FOXK2: variants seen among roughly 807,000 people sequenced by gnomAD.
The protein encoded by FOXK2 is forkhead box protein K2.
FOXK2 carries 24 observed loss-of-function variants against 53.3 expected under a neutral mutation model. The observed-to-expected ratio is 0.45, with a 90% CI of 0.33 to 0.63. The LOEUF (loss-of-function observed/expected upper bound fraction) is 0.63, where lower values mean the gene tolerates loss of function less well. Ranked by LOEUF, FOXK2 falls within the 30% of genes least tolerant of loss-of-function variation. FOXK2 has a pLI of 0.03. For synonymous variants in FOXK2, 505 were observed against 407.1 expected (o/e 1.24, Z -2.89); for missense variants, 952 against 910.5 (o/e 1.05, Z -0.59).
chr17:82,528,543 T>C (rs995655662), intron 1 of FOXK2, among the ~76,000 whole-genome samples: 4 of 152,204 alleles, frequency 2.6e-5, no homozygotes, highest in Admixed American at 1.3e-4. Flanking sequence ...AATTTGCTGC[T>C]AAAATGCAGT....
Position 82,520,735 on chromosome 17 carries a change from G to A in FOXK2, c.419+428G>A, listed in dbSNP as rs536922028. On this transcript the variant is annotated intron_variant, in intron 1 of 8. Transcript: ENST00000335255. ...TCTCTTAACCGATGAAGGGTTGTCT[G>A]TTGTCTTTTGTTGTTGTTGTTGTTC... 2.0e-5 allele frequency among the ~76,000 whole-genome samples: 3 copies of A among 152,296 alleles called. No homozygotes were observed. The South Asian group carries it at 6.2e-4, about 32-fold the overall frequency.
Position 82,604,040 on chromosome 17 carries a change from G to C in FOXK2, c.*2541G>C, listed in dbSNP as rs1336581679. On this transcript the variant is annotated 3_prime_UTR_variant, in exon 9 of 9. Coordinates refer to ENST00000335255, the MANE Select transcript of FOXK2 (RefSeq NM_004514.4). Reference sequence around the variant, plus strand: ...GCTGTCGCCGCAGCCCTGGCCCCTGGTGCTGGAGCTGCAGCACCTTTGGGA... The same window carrying C: ...GCTGTCGCCGCAGCCCTGGCCCCTGCTGCTGGAGCTGCAGCACCTTTGGGA... 6.6e-6 allele frequency: 1 copy of C among 152,210 alleles called. No homozygotes were observed. Among genetic ancestry groups the C allele is most frequent in the East Asian group, 1.9e-4 (1 of 5,194 alleles). 9.4% of individuals were successfully genotyped at this position (152,210 alleles called of 1,614,324 possible). A position where few individuals can be genotyped will look rare whatever the true frequency, so the allele number is the denominator to read the frequency against.
intron 1 of FOXK2, among the ~76,000 whole-genome samples, chr17:82,538,376 T>C (rs962611976): frequency 2.3e-4 from 35 of 152,138 alleles, no homozygotes; most frequent in African/African-American, 8.0e-4. Flanking sequence ...TCCTGGACAC[T>C]TGGGAGGCTA....
At chr17:82,568,675 T>TA (rs1339850327) in intron 3 of FOXK2, among the ~76,000 whole-genome samples, 2 of 152,234 alleles carry the variant, frequency 1.3e-5, no homozygotes, top group Admixed American at 6.5e-5. Context: ...ATTTTCCTTT[T>TA]AGGACTTTGA....
At chr17:82,531,608 C>G (rs1567964789) in intron 1 of FOXK2, among the ~76,000 whole-genome samples, 1 of 152,146 alleles carries the variant, frequency 6.6e-6, no homozygotes, top group Non-Finnish European at 1.5e-5. Flanking sequence ...ACTTAAGCAA[C>G]ATGTGACTGT....
intron 1 of FOXK2, 36 bp from the exon 2 acceptor site, chr17:82,563,318 A>T: frequency 6.3e-7 from 1 of 1,591,844 alleles, no homozygotes. Flanking sequence ...CGGCTGGAAC[A>T]GCAAAAGGTG....
At chr17:82,551,249 G>A (rs76034625) in intron 1 of FOXK2, among the ~76,000 whole-genome samples, 23,264 of 151,802 alleles carry the variant, frequency 0.15, 2,175 homozygotes, top group East Asian at 0.32. Flanking sequence ...CCTGGGAGGC[G>A]GAGTTTGCAG....
rs2045190935 is a variant in FOXK2 at position 82,587,142 on chromosome 17, C to T, written c.1656C>T (p.Thr552=). The part of the protein sequence containing the change: ...ASRIIQTAQT[T]PVQTVTIVQQ... ...GGATCATTCAGACGGCACAGACCAC[C>T]CCGGTCCAGACGGTGACCATAGTAC... Residue 552 remains threonine, a synonymous_variant, in exon 8 of 9, where the codon ACC becomes ACT. Coordinates refer to ENST00000335255, the MANE Select transcript of FOXK2 (RefSeq NM_004514.4). 1 of 1,613,036 alleles carries T rather than the reference C, an allele frequency of 6.2e-7. No individual in the cohort carries two copies. The highest frequency in any genetic ancestry group is 1.3e-5 in the African/African-American group (1 of 74,942).
At chr17:82,565,162 C>A (rs1300236623) in intron 2 of FOXK2, among the ~76,000 whole-genome samples, 8 of 152,044 alleles carry the variant, frequency 5.3e-5, no homozygotes, top group Admixed American at 5.2e-4. Context: ...ATACCGTGTG[C>A]AAAAATTAAC....
In FOXK2 at chr17:82,528,147, G is replaced by A. The variant is rs181065706; in HGVS notation, c.419+7840G>A. 1.4e-3 allele frequency among the ~76,000 whole-genome samples: 206 copies of A among 152,262 alleles called. 2 individuals carry two copies. In the Middle Eastern group the frequency reaches 0.031, roughly 23 times the overall value. ...ATTTATTAATAGTGAAGTGATTGTAGTCAGGCGTGGCTCCCCCATTTACTG... is the reference window on the plus strand; with the variant it reads ...ATTTATTAATAGTGAAGTGATTGTAATCAGGCGTGGCTCCCCCATTTACTG... On this transcript the variant is annotated intron_variant, in intron 1 of 8. Transcript: ENST00000335255.
chr17:82,568,473 A>T (rs574904514), intron 3 of FOXK2, among the ~76,000 whole-genome samples: 1 of 152,340 alleles, frequency 6.6e-6, no homozygotes, highest in South Asian at 2.1e-4. Flanking sequence ...CGGAAGATGG[A>T]GGAGTACCTT....
chr17:82,541,385 G>T (rs2044573059), intron 1 of FOXK2, among the ~76,000 whole-genome samples: 1 of 149,540 alleles, frequency 6.7e-6, no homozygotes, highest in African/African-American at 2.5e-5. Flanking sequence ...TGATTCTCGT[G>T]CCTCAGCCTC....
chr17:82,534,312 A>G (rs2044500509), intron 1 of FOXK2, among the ~76,000 whole-genome samples: 2 of 152,192 alleles, frequency 1.3e-5, no homozygotes, highest in East Asian at 3.8e-4. Flanking sequence ...GCACATGGAC[A>G]AAATTTCTTG....
chr17:82,547,878 G>T (rs1343546797), intron 1 of FOXK2, among the ~76,000 whole-genome samples: 1 of 152,164 alleles, frequency 6.6e-6, no homozygotes, highest in Non-Finnish European at 1.5e-5. Flanking sequence ...GAATCATGTA[G>T]AATATACTGG....
rs1214812521 is a variant in FOXK2, at chr17:82,557,063, C to T, written c.420-6291C>T. On this transcript the variant is annotated intron_variant, in intron 1 of 8. Coordinates refer to ENST00000335255, the MANE Select transcript of FOXK2 (RefSeq NM_004514.4). ...ATTTTTTTTTTGAGACAGAGTTGCT[C>T]TTGTTGCCCAGGCTGGAGTGCAATG... Among the ~76,000 whole-genome samples, 5 of 148,218 alleles carry T rather than the reference C, an allele frequency of 3.4e-5. No individual in the cohort carries two copies. The East Asian group carries it at 1.0e-3, about 30-fold the overall frequency.
chr17:82,553,135 T>C (rs2044692745), intron 1 of FOXK2, among the ~76,000 whole-genome samples: 1 of 152,086 alleles, frequency 6.6e-6, no homozygotes, highest in Non-Finnish European at 1.5e-5. Context: ...GGGGTTTCAC[T>C]ATGTTGGCCA....
At chr17:82,561,606 G>A (rs2044794083) in intron 1 of FOXK2, among the ~76,000 whole-genome samples, 1 of 152,166 alleles carries the variant, frequency 6.6e-6, no homozygotes, top group Admixed American at 6.5e-5. Context: ...GGGAGGACTG[G>A]CCGTCCTGCG....
chr17:82,574,571 C>T (rs1186616697), intron 4 of FOXK2, among the ~76,000 whole-genome samples: 2 of 152,122 alleles, frequency 1.3e-5, no homozygotes, highest in Admixed American at 6.5e-5. Context: ...CTGCCTGCCT[C>T]GGTCTCCCGA....
intron 4 of FOXK2, 101 bp downstream of exon 4, chr17:82,571,971 A>AG (rs1014810342): frequency 2.1e-5 from 26 of 1,241,488 alleles, no homozygotes; most frequent in East Asian, 8.6e-5. Context: ...GGAAGGTAGA[A>AG]GGGGGGGTTG....
Sources: allele counts gnomAD v4.1 joint callset (sites outside exome capture counted in the v4.1 genomes callset), GRCh38; gene constraint gnomAD v4.1.1; transcripts MANE v1.5; gene names NCBI Gene and HGNC (gene_info 2026-07-23, HGNC 2026-07-21).